PCDHA1: variants seen among roughly 807,000 people sequenced by gnomAD.
PCDHA1 encodes the protein protocadherin alpha-1.
In PCDHA1, 42 loss-of-function variants were observed where a neutral mutation model predicts 61.3. The ratio of observed to expected loss-of-function variants is 0.69; its 90% CI spans 0.54 to 0.89. The LOEUF (loss-of-function observed/expected upper bound fraction) is 0.89. Ranked by LOEUF, PCDHA1 falls within the 40% of genes least tolerant of loss-of-function variation. PCDHA1 has a pLI of 0.00. For synonymous variants in PCDHA1, 610 were observed against 553.8 expected, an observed-to-expected ratio of 1.10 and a Z score of -1.43; for missense variants, 1,256 against 1,235.3, an observed-to-expected ratio of 1.02 and a Z score of -0.25.
chr5:140,816,863 A>G (rs1766013268), intron 1 of PCDHA1: 1 of 151,530 alleles, frequency 6.6e-6, no homozygotes, highest in African/African-American at 2.4e-5. Context: ...GGCCCTCTGG[A>G]GCAGCAGTAT....
chr5:140,801,521 G>A (rs2149951209), intron 1 of PCDHA1: 9 of 1,614,234 alleles, frequency 5.6e-6, no homozygotes, highest in Non-Finnish European at 7.6e-6. Context: ...ACCTGGAGGT[G>A]ATCGTGGACA....
At chr5:140,834,520 GC>G in intron 1 of PCDHA1, 1 of 1,614,066 alleles carries the variant, frequency 6.2e-7, no homozygotes, top group Non-Finnish European at 8.5e-7. Flanking sequence ...AACTTCGTGG[GC>G]CGCATCGCGC....
At chr5:140,898,383 G>A (rs1416953064) in intron 1 of PCDHA1, among the ~76,000 whole-genome samples, 1 of 152,164 alleles carries the variant, frequency 6.6e-6, no homozygotes, top group South Asian at 2.1e-4. Flanking sequence ...GTAAGGAAGG[G>A]ATCCAGTTTC....
At chr5:140,894,808 A>G (rs541905033) in intron 1 of PCDHA1, among the ~76,000 whole-genome samples, 2 of 152,096 alleles carry the variant, frequency 1.3e-5, no homozygotes, top group African/African-American at 4.8e-5. Flanking sequence ...AAATAATTTT[A>G]TATCAGATTT....
chr5:140,928,829 T>C, intron 1 of PCDHA1: 1 of 1,614,170 alleles, frequency 6.2e-7, no homozygotes, highest in Non-Finnish European at 8.5e-7. Context: ...GACCCACCAC[T>C]TTCCTCCTCT....
chr5:140,993,281 C>T (rs2097548459), intron 3 of PCDHA1, among the ~76,000 whole-genome samples: 1 of 152,102 alleles, frequency 6.6e-6, no homozygotes. Flanking sequence ...TCTTTTCTTG[C>T]CCAGGGTCAC....
intron 1 of PCDHA1, among the ~76,000 whole-genome samples, chr5:140,837,516 C>G (rs1775087693): frequency 1.3e-5 from 2 of 151,568 alleles, no homozygotes; most frequent in Admixed American, 6.6e-5. Flanking sequence ...AAGCAGTTTA[C>G]TTTTTTTGTA....
At chr5:140,828,783 C>G (rs2150158892) in intron 1 of PCDHA1, 14 of 1,614,164 alleles carry the variant, frequency 8.7e-6, no homozygotes, top group Non-Finnish European at 1.1e-5. Context: ...CTGCTGGTCA[C>G]AGTGCTGGAT....
chr5:140,829,948 C>T (rs1770701254), intron 1 of PCDHA1: 1 of 1,613,996 alleles, frequency 6.2e-7, no homozygotes, highest in Non-Finnish European at 8.5e-7. Flanking sequence ...GCAGCGCTCG[C>T]TTCCCGTTTC....
intron 3 of PCDHA1, among the ~76,000 whole-genome samples, chr5:141,006,466 G>T (rs2153987717): frequency 6.6e-6 from 1 of 152,178 alleles, no homozygotes; most frequent in South Asian, 2.1e-4. Context: ...GCCTGTCTCG[G>T]CCTCCCAAAG....
rs782031063 is a variant in PCDHA1 at position 140,808,432 on chromosome 5, C to T, written c.2394+19748C>T. On this transcript the variant is annotated intron_variant, in intron 1 of 3. Transcript: ENST00000504120. Reference sequence around the variant, plus strand: ...TGGTGCTGGACAGTGCCCTGGACCGCGAGAGCGTGTCAGCCTATGAGCTGG... The same window carrying T: ...TGGTGCTGGACAGTGCCCTGGACCGTGAGAGCGTGTCAGCCTATGAGCTGG... 2.4e-5 allele frequency: 39 copies of T among 1,614,166 alleles called. No individual in the cohort carries two copies. The East Asian group carries it at 8.2e-4, about 34-fold the overall frequency.
chr5:140,816,962 T>C (rs1766034734), intron 1 of PCDHA1: 1 of 152,144 alleles, frequency 6.6e-6, no homozygotes, highest in Non-Finnish European at 1.5e-5. Context: ...GACAGAAACT[T>C]GGACTGCCCA....
Position 140,861,518 on chromosome 5 carries a change from G to A in PCDHA1, c.2394+72834G>A, listed in dbSNP as rs560386977. The A allele has an allele frequency of 1.0e-3, 481 of 461,708 alleles. 1 individual carries two copies. Among genetic ancestry groups the A allele is most frequent in the African/African-American group, 8.4e-3 (422 of 50,046 alleles). The allele number at this position is 461,708 out of a possible 1,614,324, so 28.6% of individuals were successfully genotyped here. A position where few individuals can be genotyped will look rare whatever the true frequency, so the allele number is the denominator to read the frequency against. On this transcript the variant is annotated intron_variant, in intron 1 of 3. Transcript: ENST00000504120. The stretch of plus-strand genomic sequence containing the variant: ...TGATAGACCTCGAGGAGCTGTGTGG[G>A]AGGATCTCGGAGTGCAGCATCCACC...
chr5:140,912,723 A>C (rs781874290), intron 1 of PCDHA1, among the ~76,000 whole-genome samples: 21 of 152,256 alleles, frequency 1.4e-4, no homozygotes, highest in Admixed American at 1.1e-3. Context: ...TCCATTCAAT[A>C]TGATGTTGGC....
chr5:140,966,854 C>T (rs1554228784), intron 1 of PCDHA1: 2 of 1,573,744 alleles, frequency 1.3e-6, no homozygotes, highest in Admixed American at 1.8e-5. Context: ...GCCTCTCCTG[C>T]TGCTGTTGCT....
At chr5:140,926,575 C>T in intron 1 of PCDHA1, 1 of 273,448 alleles carries the variant, frequency 3.7e-6, no homozygotes, top group Non-Finnish European at 6.8e-6. Flanking sequence ...CTGGAGACAG[C>T]ACCTCTCGCG....
chr5:140,853,741 G>C, intron 1 of PCDHA1: 1 of 988,438 alleles, frequency 1.0e-6, no homozygotes, highest in East Asian at 1.1e-4. Flanking sequence ...TGAATGTTCT[G>C]GTTCAAGGCT....
At position 140,809,153 on chromosome 5, in the gene PCDHA1, G is replaced by C. The variant is rs558715293; in HGVS notation, c.2394+20469G>C. On this transcript the variant is annotated intron_variant, in intron 1 of 3. Coordinates refer to ENST00000504120, the MANE Select transcript of PCDHA1 (RefSeq NM_018900.4). ...ACTGGTACTGGTGAAGGACCACGGC[G>C]AGCCCGCGCTGACGGCCACGGCCAC... 53 of 1,613,934 alleles carry C rather than the reference G, an allele frequency of 3.3e-5. No individual in the cohort carries two copies. The East Asian group carries it at 4.2e-4, about 13-fold the overall frequency.
intron 1 of PCDHA1, chr5:140,882,945 T>C (rs1554176195): frequency 6.2e-7 from 1 of 1,614,194 alleles, no homozygotes; most frequent in Non-Finnish European, 8.5e-7. Flanking sequence ...ACTGGCACAG[T>C]TCAGCTGCTC....
Sources: allele counts gnomAD v4.1 joint callset (sites outside exome capture counted in the v4.1 genomes callset), GRCh38; gene constraint gnomAD v4.1.1; transcripts MANE v1.5; gene names NCBI Gene and HGNC (gene_info 2026-07-23, HGNC 2026-07-21).